The following ONECUT3 variants were observed in gnomAD, a reference collection of about 807,000 sequenced individuals.
The protein encoded by ONECUT3 is one cut domain family member 3.
Under a neutral mutation model 16.8 loss-of-function variants are expected in ONECUT3, and 11 were observed. The observed-to-expected ratio is 0.66, with a 90% confidence interval of 0.41 to 1.09. ONECUT3 has a LOEUF of 1.09. ONECUT3 is among the 50% of genes least tolerant of loss of function. The probability of loss-of-function intolerance (pLI) is 0.00; values close to 1 mark genes in which losing one functional copy is unlikely to be tolerated. For synonymous variants in ONECUT3, 344 were observed against 310.7 expected (o/e 1.11, Z -1.13); for missense variants, 637 against 629.9 (o/e 1.01, Z -0.12).
chr19:1,769,868 C>T (rs1398069388), intron 1 of ONECUT3, among the ~76,000 whole-genome samples: 1 of 152,128 alleles, frequency 6.6e-6, no homozygotes, highest in Admixed American at 6.5e-5. Flanking sequence ...TCAGACTCTG[C>T]CTGGCCCGGC....
chr19:1,772,581 G>A (rs1451025680), intron 1 of ONECUT3, among the ~76,000 whole-genome samples: 2 of 151,762 alleles, frequency 1.3e-5, no homozygotes, highest in East Asian at 3.9e-4. Flanking sequence ...TCTTGATCAG[G>A]TGACAACCCT....
At chr19:1,767,207 C>G (rs767951201) in intron 1 of ONECUT3, among the ~76,000 whole-genome samples, 23 of 152,140 alleles carry the variant, frequency 1.5e-4, no homozygotes, top group Admixed American at 2.6e-4. Flanking sequence ...CAAGTGTCGC[C>G]CAGAGCCCAG....
rs754298958 is a variant in ONECUT3 at position 1,754,733 on chromosome 19, C to G, written c.1071C>G (p.Ser357=). ...RILCRSQGTL[S]DLLRNPKPWS... ...TGTGTCGCTCTCAGGGCACGCTCTC[C>G]GACCTGCTGCGCAACCCCAAGCCGT... The change falls in exon 1 of 2, where the codon TCC becomes TCG. Residue 357 remains serine (S), a synonymous_variant. Transcript: ENST00000382349. The surrounding 1 kb of genome is among the most constrained non-coding windows in gnomAD (Gnocchi z 7.4). 6 of 1,556,836 alleles carry G rather than the reference C, an allele frequency of 3.9e-6. No individual in the cohort carries two copies. In the East Asian group the frequency reaches 1.2e-4, roughly 32 times the overall value.
chr19:1,759,687 C>T lies in ONECUT3; in HGVS notation c.1192+4833C>T, dbSNP rs1568593413. ...TGGAGACCCGGGCCTTCCCTGGGCT[C>T]TGTCCCTGGCTGATCCCTGGCAAAA... On this transcript the variant is annotated intron_variant, in intron 1 of 1. Transcript: ENST00000382349. This position sits in a 1 kb window ranked among gnomAD's most constrained non-coding sequence, Gnocchi z 4.1. 6.6e-6 allele frequency among the ~76,000 whole-genome samples: 1 copy of T among 152,166 alleles called. No homozygotes were observed. The highest frequency in any genetic ancestry group is 2.4e-5 in the African/African-American group (1 of 41,432).
chr19:1,766,303 C>G lies in ONECUT3; in HGVS notation c.1193-8850C>G, dbSNP rs967416582. 6.6e-6 allele frequency among the ~76,000 whole-genome samples: 1 copy of G among 152,184 alleles called. No homozygotes were observed. The highest frequency in any genetic ancestry group is 1.5e-5 in the Non-Finnish European group (1 of 68,044). ...TGGACGGAGGCTGGCACCCTCAGCCCGCACGCGGCCAACGTCAGGCGCGCG... is the reference window on the plus strand; with the variant it reads ...TGGACGGAGGCTGGCACCCTCAGCCGGCACGCGGCCAACGTCAGGCGCGCG... On this transcript the variant is annotated intron_variant, in intron 1 of 1. Transcript: ENST00000382349. This position sits in a 1 kb window ranked among gnomAD's most constrained non-coding sequence, Gnocchi z 4.0.
chr19:1,753,848 T>TGGGGGCGCC lies in ONECUT3; in HGVS notation c.195_203dup (p.Gly70_Gly72dup). 3.2e-6 allele frequency: 3 copies of TGGGGGCGCC among 948,786 alleles called. No individual in the cohort carries two copies. Among genetic ancestry groups the TGGGGGCGCC allele is most frequent in the Non-Finnish European group, 3.7e-6 (3 of 804,752 alleles). The allele number at this position is 948,786 out of a possible 1,614,324, so 58.8% of individuals were successfully genotyped here. ...TGGACGGCGGCGGCGGCGGCGGCGG[T>TGGGGGCGCC]GGGGGCGCCGGGGGCGCGGGCGGCG... On this transcript the variant is annotated inframe_insertion, in exon 1 of 2. Coordinates refer to ENST00000382349, the MANE Select transcript of ONECUT3 (RefSeq NM_001080488.2).
chr19:1,761,774 ACACCTACGGCCT>A (rs2067947665), intron 1 of ONECUT3, among the ~76,000 whole-genome samples: 1 of 152,118 alleles, frequency 6.6e-6, no homozygotes, highest in African/African-American at 2.4e-5. Context: ...CAGCCTTGGG[ACACCTACGGCCT>A]CAGTTTTCCC....
chr19:1,774,201 T>C (rs2068083255), intron 1 of ONECUT3, among the ~76,000 whole-genome samples: 4 of 152,090 alleles, frequency 2.6e-5, no homozygotes, highest in Admixed American at 2.0e-4. Flanking sequence ...AGGCAGGGAT[T>C]CAGATGTCGG....
At chr19:1,772,479 T>A (rs1459923252) in intron 1 of ONECUT3, among the ~76,000 whole-genome samples, 1 of 151,322 alleles carries the variant, frequency 6.6e-6, no homozygotes, top group Non-Finnish European at 1.5e-5. Flanking sequence ...CATGAGCCAC[T>A]GCACCTGACC....
At chr19:1,772,946 G>C (rs989411696) in intron 1 of ONECUT3, among the ~76,000 whole-genome samples, 10 of 141,874 alleles carry the variant, frequency 7.0e-5, no homozygotes, top group Admixed American at 2.2e-4. Flanking sequence ...CTCGTGATCC[G>C]CCCGCCTCGG....
chr19:1,769,432 T>C (rs1320253969), intron 1 of ONECUT3, among the ~76,000 whole-genome samples: 1 of 151,978 alleles, frequency 6.6e-6, no homozygotes. Flanking sequence ...GGCTGGTGGT[T>C]GGTACCAGGG....
rs917472685 is a variant in ONECUT3 at position 1,775,717 on chromosome 19, T to A, written c.*272T>A. On this transcript the variant is annotated 3_prime_UTR_variant, in exon 2 of 2. Coordinates refer to ENST00000382349, the MANE Select transcript of ONECUT3 (RefSeq NM_001080488.2). ...GAGGGGAGGGAGTGACAGAAAGGGGTTTCCCAGCCCCCTCTCCATTCAGGA... is the reference window on the plus strand; with the variant it reads ...GAGGGGAGGGAGTGACAGAAAGGGGATTCCCAGCCCCCTCTCCATTCAGGA... 3 of 323,722 alleles carry A rather than the reference T, an allele frequency of 9.3e-6. No homozygotes were observed. Among genetic ancestry groups the A allele is most frequent in the Non-Finnish European group, 1.6e-5 (3 of 182,948 alleles). The allele number at this position is 323,722 out of a possible 1,614,324, so 20.1% of individuals were successfully genotyped here.
rs986042124 is a variant in ONECUT3, at chr19:1,754,487, G to C, written c.825G>C (p.Ala275=). The C allele has an allele frequency of 5.1e-6, 5 of 981,740 alleles. No individual in the cohort carries two copies. Among genetic ancestry groups the C allele is most frequent in the African/African-American group, 1.8e-5 (1 of 56,626 alleles). 60.8% of individuals were successfully genotyped at this position (981,740 alleles called of 1,614,324 possible). ...GGGGGTGSGG[A]GSGSAAGLLA... ...GCGGCGGCACAGGCAGCGGCGGAGC[G>C]GGCAGCGGGAGCGCCGCGGGGCTGC... The change falls in exon 1 of 2, where the codon GCG becomes GCC. Residue 275 remains alanine, a synonymous_variant. Coordinates refer to ENST00000382349, the MANE Select transcript of ONECUT3 (RefSeq NM_001080488.2). The surrounding 1 kb of genome is among the most constrained non-coding windows in gnomAD (Gnocchi z 7.4).
chr19:1,754,457 AGGC>A lies in ONECUT3; in HGVS notation c.805_807del (p.Gly269del). On this transcript the variant is annotated inframe_deletion, in exon 1 of 2. Coordinates refer to ENST00000382349, the MANE Select transcript of ONECUT3 (RefSeq NM_001080488.2). The surrounding 1 kb of genome is among the most constrained non-coding windows in gnomAD (Gnocchi z 7.4). ...ACGCACTGGCCCGCGGGCTGCCCGG[AGGC>A]GGCGGCGGCACAGGCAGCGGCGGAG... The A allele has an allele frequency of 1.0e-6, 1 of 986,282 alleles. No homozygotes were observed. 61.1% of individuals were successfully genotyped at this position (986,282 alleles called of 1,614,324 possible). A position where few individuals can be genotyped will look rare whatever the true frequency, so the allele number is the denominator to read the frequency against.
chr19:1,764,280 C>G lies in ONECUT3; in HGVS notation c.1192+9426C>G, dbSNP rs527237575. Among the ~76,000 whole-genome samples, 9 of 152,338 alleles carry G rather than the reference C, an allele frequency of 5.9e-5. No individual in the cohort carries two copies. Among genetic ancestry groups the G allele is most frequent in the African/African-American group, 2.2e-4 (9 of 41,576 alleles). On this transcript the variant is annotated intron_variant, in intron 1 of 1. Transcript: ENST00000382349. The surrounding 1 kb of genome is among the most constrained non-coding windows in gnomAD (Gnocchi z 5.0). Reference sequence around the variant, plus strand: ...CCCCTGACACCCCCATGCCCCCACCCCATGGCGGCCCAGCCTCCAGATGGA... The same window carrying G: ...CCCCTGACACCCCCATGCCCCCACCGCATGGCGGCCCAGCCTCCAGATGGA...
rs1224118688 is a variant in ONECUT3, at chr19:1,754,835, G to A, written c.1173G>A (p.Met391Ile). ...KWLQEPEFQRMSALRLAACKR... is the reference protein window; with the variant it reads ...KWLQEPEFQRISALRLAACKR... ...TGCAGGAGCCAGAGTTCCAGCGCATGTCGGCGCTGCGCTTGGCAGGTAGGA... is the reference window on the plus strand; with the variant it reads ...TGCAGGAGCCAGAGTTCCAGCGCATATCGGCGCTGCGCTTGGCAGGTAGGA... Residue 391 changes from methionine to isoleucine, a missense_variant, in exon 1 of 2, where the codon ATG becomes ATA. By Grantham distance (10) the Met-to-Ile change is conservative. Coordinates refer to ENST00000382349, the MANE Select transcript of ONECUT3 (RefSeq NM_001080488.2). This position sits in a 1 kb window ranked among gnomAD's most constrained non-coding sequence, Gnocchi z 7.4. 6.6e-7 allele frequency: 1 copy of A among 1,523,308 alleles called. No homozygotes were observed. Among genetic ancestry groups the A allele is most frequent in the Non-Finnish European group, 8.8e-7 (1 of 1,133,646 alleles). 94.4% of individuals were successfully genotyped at this position (1,523,308 alleles called of 1,614,324 possible).
In ONECUT3 at chr19:1,764,202, G is replaced by T. The variant is rs560112342; in HGVS notation, c.1192+9348G>T. Among the ~76,000 whole-genome samples, 2 of 152,230 alleles carry T rather than the reference G, an allele frequency of 1.3e-5. No homozygotes were observed. The highest frequency in any genetic ancestry group is 2.4e-5 in the African/African-American group (1 of 41,524). ...CCCACTGGCTTTGCTCCTGTTTGAGGGTGCCTGAATGGGGTGGGTCTCTGT... is the reference window on the plus strand; with the variant it reads ...CCCACTGGCTTTGCTCCTGTTTGAGTGTGCCTGAATGGGGTGGGTCTCTGT... On this transcript the variant is annotated intron_variant, in intron 1 of 1. Coordinates refer to ENST00000382349, the MANE Select transcript of ONECUT3 (RefSeq NM_001080488.2). The surrounding 1 kb of genome is among the most constrained non-coding windows in gnomAD (Gnocchi z 5.0).
rs1339007078 is a variant in ONECUT3, at chr19:1,758,323, GA to G, written c.1192+3470del. Among the ~76,000 whole-genome samples the G allele has an allele frequency of 6.8e-6, 1 of 146,520 alleles. No homozygotes were observed. Among genetic ancestry groups the G allele is most frequent in the Non-Finnish European group, 1.5e-5 (1 of 67,396 alleles). On this transcript the variant is annotated intron_variant, in intron 1 of 1. Transcript: ENST00000382349. The surrounding 1 kb of genome is among the most constrained non-coding windows in gnomAD (Gnocchi z 5.9). ...ACCAAAAAAAAAAAAAAAAGAGAGA[GA>G]GAGAGAGAGAGACAGAGATGGGAGA...
At chr19:1,772,276 G>A (rs2068062438) in intron 1 of ONECUT3, among the ~76,000 whole-genome samples, 1 of 152,056 alleles carries the variant, frequency 6.6e-6, no homozygotes, top group South Asian at 2.1e-4. Context: ...GCCTCCCAAA[G>A]TGCTGGGATT....
Sources: gnomAD v4.1 joint callset for allele counts (sites outside exome capture counted in the v4.1 genomes callset) on GRCh38, gnomAD v4.1.1 for gene constraint, Gnocchi (gnomAD v3.1) non-coding constraint, MANE v1.5 for transcripts, NCBI Gene and HGNC (gene_info 2026-07-23, HGNC 2026-07-21) for gene names.